Variants in DBF4 observed in about 807,000 individuals in gnomAD.
The protein encoded by DBF4 is DBF4-CDC7 kinase regulatory subunit.
Under a neutral mutation model 76.6 loss-of-function variants are expected in DBF4, and 25 were observed. The ratio of observed to expected loss-of-function variants is 0.33; its 90% CI spans 0.24 to 0.46. DBF4 has a LOEUF of 0.46. DBF4 is among the 20% of genes least tolerant of loss of function. DBF4 has a pLI of 1.00. For missense variants in DBF4, 638 were observed against 760.8 expected, an observed-to-expected ratio of 0.84 and a Z score of 1.90; for synonymous variants, 213 against 258.0, an observed-to-expected ratio of 0.83 and a Z score of 1.67.
chr7:87,907,713 A>G lies in DBF4; in HGVS notation c.1575A>G (p.Ser525=), dbSNP rs773513244. The change falls in exon 12 of 12, where the codon TCA becomes TCG. Residue 525 remains serine, a synonymous_variant. Transcript: ENST00000265728. ...AKDLKEKDLH[S]IFTHDSGLIT... is the part of the protein sequence containing the mutation. ...ATCTCAAGGAAAAGGACCTTCATTC[A>G]ATATTTACTCATGATTCTGGTCTGA... 1 of 1,614,080 alleles carries G rather than the reference A, an allele frequency of 6.2e-7. No individual in the cohort carries two copies. The highest frequency in any genetic ancestry group is 1.1e-5 in the South Asian group (1 of 91,078).
intron 11 of DBF4, 102 bp downstream of exon 11, chr7:87,904,518 T>C (rs898340541): frequency 2.9e-6 from 4 of 1,374,962 alleles, no homozygotes; most frequent in Non-Finnish European, 3.9e-6. Flanking sequence ...GGCAGTTGGA[T>C]CACTTGAGGT....
chr7:87,904,864 C>T (rs1839878241), intron 11 of DBF4, among the ~76,000 whole-genome samples: 1 of 152,224 alleles, frequency 6.6e-6, no homozygotes, highest in Non-Finnish European at 1.5e-5. Context: ...CCAGTAGCTT[C>T]TTCCCTACTA....
intron 9 of DBF4, 22 bp downstream of exon 9, chr7:87,900,371 T>C: frequency 6.3e-7 from 1 of 1,574,840 alleles, no homozygotes; most frequent in Non-Finnish European, 8.6e-7. Context: ...TCTTTACTTT[T>C]AGAAGGAATA....
chr7:87,897,144 A>G (rs1430127554), intron 7 of DBF4, 150 bp from the exon 8 acceptor site: 9 of 613,450 alleles, frequency 1.5e-5, no homozygotes, highest in Non-Finnish European at 2.5e-5. Context: ...AAATGAGGTG[A>G]TAATGGAAGT....
intron 2 of DBF4, 46 bp downstream of exon 2, chr7:87,878,271 A>G: frequency 1.4e-6 from 2 of 1,446,366 alleles, no homozygotes; most frequent in South Asian, 2.6e-5. Context: ...ATTTGTAACT[A>G]GTACTTTCTA....
intron 8 of DBF4, among the ~76,000 whole-genome samples, chr7:87,897,690 T>C (rs570198588): frequency 1.3e-5 from 2 of 152,332 alleles, no homozygotes; most frequent in South Asian, 4.1e-4. Flanking sequence ...AGATGCTATT[T>C]AGAAACAGAA....
In DBF4 at chr7:87,896,482, A is replaced by T. The variant is rs750765741; in HGVS notation, c.606A>T (p.Arg202Ser). Residue 202 changes from arginine to serine, a missense_variant, in exon 7 of 12, where the codon AGA becomes AGT. By Grantham distance (110) the Arg-to-Ser change is moderately radical (BLOSUM62 -1). Coordinates refer to ENST00000265728, the MANE Select transcript of DBF4 (RefSeq NM_006716.4). ...SSTSVRDGGK[R>S]VGSGAQKTRT... ...TATATATTTTTTTTTAGGGCAAAAG[A>T]GTTGGTAGTGGTGCACAAAAAACAA... 1.9e-6 allele frequency: 3 copies of T among 1,611,744 alleles called. No individual in the cohort carries two copies. In the South Asian group the frequency reaches 3.3e-5, roughly 18 times the overall value.
At chr7:87,905,873 C>T (rs1380487761) in intron 11 of DBF4, among the ~76,000 whole-genome samples, 1 of 152,028 alleles carries the variant, frequency 6.6e-6, no homozygotes, top group Non-Finnish European at 1.5e-5. Context: ...ACTATGTGGG[C>T]TACTGTGCCC....
At chr7:87,884,067 A>G (rs1222166251) in intron 2 of DBF4, among the ~76,000 whole-genome samples, 1 of 152,160 alleles carries the variant, frequency 6.6e-6, no homozygotes, top group Non-Finnish European at 1.5e-5. Flanking sequence ...AAGAAATTCT[A>G]TTCAAACAGT....
intron 2 of DBF4, among the ~76,000 whole-genome samples, chr7:87,879,328 T>C (rs1839153824): frequency 6.6e-6 from 1 of 152,218 alleles, no homozygotes. Context: ...TATTTACTTA[T>C]CTCTGAAAAG....
At chr7:87,886,169 A>G (rs527859640) in intron 3 of DBF4, among the ~76,000 whole-genome samples, 7 of 152,208 alleles carry the variant, frequency 4.6e-5, no homozygotes, top group South Asian at 2.1e-4. Flanking sequence ...CAAGGAGACA[A>G]TACACCAGCG....
chr7:87,906,021 G>A lies in DBF4; in HGVS notation c.1050-1167G>A, dbSNP rs6952582. Among the ~76,000 whole-genome samples the A allele has an allele frequency of 3.4e-3, 517 of 152,004 alleles. 4 individuals carry two copies. Among genetic ancestry groups the A allele is most frequent in the African/African-American group, 0.012 (488 of 41,448 alleles). ...CACTGAAAAAAAAAAAAAATTAGGT[G>A]GTGGCACATGCCTGTAGTCCCAACT... On this transcript the variant is annotated intron_variant, in intron 11 of 11. Coordinates refer to ENST00000265728, the MANE Select transcript of DBF4 (RefSeq NM_006716.4).
intron 1 of DBF4, 53 bp from the exon 2 acceptor site, chr7:87,878,000 A>T: frequency 7.6e-7 from 1 of 1,322,446 alleles, no homozygotes; most frequent in Non-Finnish European, 1.0e-6. Context: ...GAAATATTTT[A>T]AAAATAGTAA....
chr7:87,900,391 T>G (rs751317223), intron 9 of DBF4, 42 bp downstream of exon 9: 1 of 1,554,242 alleles, frequency 6.4e-7, no homozygotes, highest in South Asian at 1.2e-5. Flanking sequence ...ATTCAGAATT[T>G]CATCTCAATT....
At chr7:87,905,301 C>T (rs563770323) in intron 11 of DBF4, among the ~76,000 whole-genome samples, 83 of 152,328 alleles carry the variant, frequency 5.4e-4, no homozygotes, top group African/African-American at 1.2e-3. Context: ...AATAGACTGA[C>T]GGCTAGATTT....
chr7:87,896,000 A>G (rs1839628867), intron 6 of DBF4, among the ~76,000 whole-genome samples: 2 of 152,176 alleles, frequency 1.3e-5, no homozygotes, highest in South Asian at 4.1e-4. Context: ...ACTTCCTTCC[A>G]CAATCTGCCT....
rs535236059 is a variant in DBF4 at position 87,891,208 on chromosome 7, T to C, written c.597+3149T>C. On this transcript the variant is annotated intron_variant, in intron 6 of 11. Coordinates refer to ENST00000265728, the MANE Select transcript of DBF4 (RefSeq NM_006716.4). ...TTTTTTCCAGTTTACTCAAAACTTA[T>C]TTTGTCGAATTTTTTACATACATGT... 5.3e-5 allele frequency among the ~76,000 whole-genome samples: 8 copies of C among 151,800 alleles called. No homozygotes were observed. In the South Asian group the frequency reaches 8.3e-4, roughly 16 times the overall value.
Position 87,879,807 on chromosome 7 carries a change from G to A in DBF4, c.219+1582G>A, listed in dbSNP as rs1839166070. Among the ~76,000 whole-genome samples, 5 of 152,102 alleles carry A rather than the reference G, an allele frequency of 3.3e-5. No homozygotes were observed. The South Asian group carries it at 1.0e-3, about 32-fold the overall frequency. ...TGTCTACTGAAAAATACAAAAATTA[G>A]CCAAGCATGGTGGTGCATGCCTGTA... On this transcript the variant is annotated intron_variant, in intron 2 of 11. Coordinates refer to ENST00000265728, the MANE Select transcript of DBF4 (RefSeq NM_006716.4).
intron 4 of DBF4, 81 bp downstream of exon 4, chr7:87,886,975 T>G: frequency 9.8e-7 from 1 of 1,017,316 alleles, no homozygotes; most frequent in Non-Finnish European, 1.5e-6. Context: ...TCTTGAAATT[T>G]TCCTTTCCAC....
Sources: allele counts gnomAD v4.1 joint callset (sites outside exome capture counted in the v4.1 genomes callset), GRCh38; gene constraint gnomAD v4.1.1; transcripts MANE v1.5; gene names NCBI Gene and HGNC (gene_info 2026-07-23, HGNC 2026-07-21).